Variants in CSMD1 observed in about 807,000 individuals in gnomAD.
CSMD1 encodes the protein CUB and Sushi multiple domains 1.
In CSMD1, 213 loss-of-function variants were observed where a neutral mutation model predicts 417.5. The observed-to-expected ratio is 0.51, with a 90% CI of 0.46 to 0.57. The LOEUF is 0.57. Among genes scored for constraint, CSMD1 ranks in the 20% least tolerant of loss-of-function variants. CSMD1 has a pLI of 0.00. For missense variants in CSMD1, 6,923 were observed against 4,529.7 expected, an observed-to-expected ratio of 1.53 and a Z score of -15.17; for synonymous variants, 2,862 against 1,736.8, an observed-to-expected ratio of 1.65 and a Z score of -16.11.
intron 5 of CSMD1, among the ~76,000 whole-genome samples, chr8:3,841,523 G>C (rs1303087474): frequency 6.6e-6 from 1 of 151,914 alleles, no homozygotes; most frequent in Non-Finnish European, 1.5e-5. Context: ...GGATGTCTAG[G>C]GACTTGTAAA....
At chr8:4,774,504 A>G (rs1258235333) in intron 1 of CSMD1, among the ~76,000 whole-genome samples, 1 of 152,176 alleles carries the variant, frequency 6.6e-6, no homozygotes, top group East Asian at 1.9e-4. Flanking sequence ...TATAGGAAAT[A>G]AAGTACTTTA....
chr8:3,399,291 G>A (rs13258132), intron 16 of CSMD1, 100 bp downstream of exon 16: 112,494 of 1,190,300 alleles, frequency 0.095, 6,033 homozygotes, highest in Middle Eastern at 0.12. Context: ...TGCGGGAACC[G>A]AAAAAAACTG....
intron 2 of CSMD1, among the ~76,000 whole-genome samples, chr8:4,465,862 G>T (rs1032571272): frequency 6.6e-6 from 1 of 152,116 alleles, no homozygotes; most frequent in African/African-American, 2.4e-5. Context: ...CCTCTTCACA[G>T]GTGATTGTAT....
intron 1 of CSMD1, among the ~76,000 whole-genome samples, chr8:4,676,729 C>G (rs1050611141): frequency 4.6e-5 from 7 of 151,900 alleles, no homozygotes; most frequent in African/African-American, 1.7e-4. Flanking sequence ...TAGATCTCTC[C>G]CCCAGCCCTC....
intron 3 of CSMD1, among the ~76,000 whole-genome samples, chr8:4,052,101 T>C (rs1361742917): frequency 6.6e-6 from 1 of 151,988 alleles, no homozygotes; most frequent in East Asian, 1.9e-4. Flanking sequence ...TCTGTATTTT[T>C]AAAAATAGAG....
chr8:3,858,408 T>C (rs1386387919), intron 5 of CSMD1, among the ~76,000 whole-genome samples: 1 of 152,184 alleles, frequency 6.6e-6, no homozygotes, highest in Non-Finnish European at 1.5e-5. Flanking sequence ...ATGCTGTTTC[T>C]TACCTTTTAA....
chr8:2,986,554 G>C (rs2128943966), intron 54 of CSMD1, among the ~76,000 whole-genome samples: 1 of 152,076 alleles, frequency 6.6e-6, no homozygotes, highest in East Asian at 1.9e-4. Context: ...ACCCAGGCTG[G>C]AGTGCAATGG....
At chr8:3,522,673 T>C (rs1797556145) in intron 10 of CSMD1, among the ~76,000 whole-genome samples, 1 of 151,962 alleles carries the variant, frequency 6.6e-6, no homozygotes. Context: ...TGAGTTTCAG[T>C]GAGGAGTAGA....
At chr8:4,070,578 C>G (rs369024090) in intron 3 of CSMD1, among the ~76,000 whole-genome samples, 3 of 152,068 alleles carry the variant, frequency 2.0e-5, no homozygotes, top group South Asian at 2.1e-4. Flanking sequence ...AGGATGGTCT[C>G]GTTCTCCTGA....
chr8:3,956,311 T>A (rs185432673), intron 5 of CSMD1, among the ~76,000 whole-genome samples: 1 of 152,210 alleles, frequency 6.6e-6, no homozygotes, highest in Admixed American at 6.5e-5. Flanking sequence ...ATTATCCCCA[T>A]CTCAAGATGG....
At chr8:4,183,617 TTC>T (rs1244445980) in intron 3 of CSMD1, among the ~76,000 whole-genome samples, 5 of 152,250 alleles carry the variant, frequency 3.3e-5, no homozygotes, top group South Asian at 2.1e-4. Flanking sequence ...TTTAAAATGA[TTC>T]TGTCAAATTG....
At chr8:3,809,828 G>A (rs914393203) in intron 5 of CSMD1, among the ~76,000 whole-genome samples, 6 of 152,116 alleles carry the variant, frequency 3.9e-5, no homozygotes, top group African/African-American at 9.7e-5. Flanking sequence ...TACTGAAAAC[G>A]CAAGAATGCA....
At chr8:4,060,268 A>T (rs1170881122) in intron 3 of CSMD1, among the ~76,000 whole-genome samples, 1 of 152,178 alleles carries the variant, frequency 6.6e-6, no homozygotes, top group Non-Finnish European at 1.5e-5. Context: ...AACTCTCAAT[A>T]AATTAGGTAT....
intron 1 of CSMD1, among the ~76,000 whole-genome samples, chr8:4,857,450 A>G (rs1801870331): frequency 6.6e-6 from 1 of 152,170 alleles, no homozygotes; most frequent in Non-Finnish European, 1.5e-5. Context: ...GATACAAAAA[A>G]CCCTTCAAAA....
At chr8:3,602,762 CA>C (rs1277390365) in intron 8 of CSMD1, among the ~76,000 whole-genome samples, 1 of 151,358 alleles carries the variant, frequency 6.6e-6, no homozygotes. Flanking sequence ...AAAAGTGTTA[CA>C]GAAGGTCATT....
intron 2 of CSMD1, among the ~76,000 whole-genome samples, chr8:4,623,564 CAG>C (rs1801901774): frequency 6.6e-6 from 1 of 151,550 alleles, no homozygotes; most frequent in African/African-American, 2.4e-5. Flanking sequence ...TAGCTAAAAA[CAG>C]GGGGGTGAGG....
At chr8:4,673,153 G>A (rs961303390) in intron 1 of CSMD1, among the ~76,000 whole-genome samples, 1 of 152,062 alleles carries the variant, frequency 6.6e-6, no homozygotes, top group African/African-American at 2.4e-5. Context: ...AGGGGAAAAA[G>A]GGATTCTATG....
At chr8:3,438,836 C>G (rs549821849) in intron 12 of CSMD1, among the ~76,000 whole-genome samples, 5 of 151,870 alleles carry the variant, frequency 3.3e-5, no homozygotes, top group Non-Finnish European at 7.4e-5. Flanking sequence ...AAATTGCTGG[C>G]CAGGTGTGGT....
chr8:4,278,792 T>A (rs1796625279), intron 3 of CSMD1, among the ~76,000 whole-genome samples: 1 of 152,218 alleles, frequency 6.6e-6, no homozygotes, highest in Admixed American at 6.5e-5. Flanking sequence ...TGTGGAATGC[T>A]TTCATTTGTG....
Sources: allele counts gnomAD v4.1 joint callset (sites outside exome capture counted in the v4.1 genomes callset), GRCh38; gene constraint gnomAD v4.1.1; transcripts MANE v1.5; gene names NCBI Gene and HGNC (gene_info 2026-07-23, HGNC 2026-07-21).